Variants in DOCK4 observed in about 807,000 individuals in gnomAD.
DOCK4 encodes the protein dedicator of cytokinesis protein 4.
In DOCK4, 97 loss-of-function variants were observed where a neutral mutation model predicts 268.1. The ratio of observed to expected loss-of-function variants is 0.36; its 90% confidence interval spans 0.31 to 0.43. DOCK4 has a LOEUF of 0.43. Among genes scored for constraint, DOCK4 ranks in the 20% least tolerant of loss-of-function variants. DOCK4 has a pLI of 1.00. For synonymous variants in DOCK4, 954 were observed against 887.2 expected, an observed-to-expected ratio of 1.08 and a Z score of -1.34; for missense variants, 2,145 against 2,455.7, an observed-to-expected ratio of 0.87 and a Z score of 2.67.
chr7:112,106,707 C>T (rs1811172587), intron 1 of DOCK4, among the ~76,000 whole-genome samples: 1 of 152,182 alleles, frequency 6.6e-6, no homozygotes, highest in African/African-American at 2.4e-5. Context: ...TGGCTTGTTA[C>T]ATCCAAGCTT....
At chr7:112,160,372 TATG>T (rs1412676226) in intron 1 of DOCK4, among the ~76,000 whole-genome samples, 6 of 152,184 alleles carry the variant, frequency 3.9e-5, no homozygotes, top group Non-Finnish European at 8.8e-5. Context: ...CAGAGAACAG[TATG>T]ATATCTAGAT....
At chr7:111,769,395 G>C (rs1204595967) in intron 37 of DOCK4, 134 bp downstream of exon 37, 2 of 1,102,290 alleles carry the variant, frequency 1.8e-6, no homozygotes, top group Non-Finnish European at 2.6e-6. Flanking sequence ...CAAGCTTTTG[G>C]GTGTTTCTAA....
chr7:112,108,943 C>G (rs1333593676), intron 1 of DOCK4, among the ~76,000 whole-genome samples: 1 of 152,052 alleles, frequency 6.6e-6, no homozygotes, highest in Non-Finnish European at 1.5e-5. Flanking sequence ...GGTGACAAAT[C>G]TCTTCCAGTA....
chr7:111,889,132 T>C (rs1283153237), intron 16 of DOCK4, among the ~76,000 whole-genome samples: 1 of 152,262 alleles, frequency 6.6e-6, no homozygotes, highest in South Asian at 2.1e-4. Context: ...CTTAGTGTTT[T>C]CCCCCCACTG....
chr7:111,758,950 G>A (rs764481632), intron 40 of DOCK4, among the ~76,000 whole-genome samples, 160 bp from the exon 41 acceptor site: 1 of 152,142 alleles, frequency 6.6e-6, no homozygotes, highest in Non-Finnish European at 1.5e-5. Flanking sequence ...CAGGAACTCA[G>A]TTCTAGCAAA....
At chr7:112,203,669 CTT>C (rs1041112938) in intron 1 of DOCK4, among the ~76,000 whole-genome samples, 2 of 152,102 alleles carry the variant, frequency 1.3e-5, no homozygotes, top group Non-Finnish European at 2.9e-5. Context: ...CCCATAAGAT[CTT>C]TTCTTTAACA....
chr7:111,928,540 CAA>C (rs912620383), intron 12 of DOCK4, among the ~76,000 whole-genome samples: 109 of 150,552 alleles, frequency 7.2e-4, no homozygotes, highest in South Asian at 8.4e-4. Flanking sequence ...TCGAAGGAAA[CAA>C]GAGATATGAC....
chr7:112,040,727 T>C (rs970830134), intron 1 of DOCK4, among the ~76,000 whole-genome samples: 13 of 151,982 alleles, frequency 8.6e-5, no homozygotes, highest in Admixed American at 2.0e-4. Context: ...AATAAATAGG[T>C]AGATGCTAAG....
At chr7:112,127,123 C>T (rs890679894) in intron 1 of DOCK4, among the ~76,000 whole-genome samples, 26 of 149,940 alleles carry the variant, frequency 1.7e-4, no homozygotes, top group Non-Finnish European at 3.1e-4. Flanking sequence ...ATGTTTATTG[C>T]GGCATTATTC....
chr7:111,874,024 A>G (rs910503172), intron 17 of DOCK4, among the ~76,000 whole-genome samples: 16 of 152,184 alleles, frequency 1.1e-4, no homozygotes, highest in South Asian at 1.0e-3. Context: ...GGCATATCAG[A>G]TATTTCCACA....
intron 1 of DOCK4, among the ~76,000 whole-genome samples, chr7:112,161,817 T>G (rs993348960): frequency 6.6e-6 from 1 of 152,114 alleles, no homozygotes; most frequent in Non-Finnish European, 1.5e-5. Flanking sequence ...TGGAGAACCT[T>G]TATGCCAAGG....
At chr7:111,759,163 C>T (rs890522100) in intron 40 of DOCK4, among the ~76,000 whole-genome samples, 10 of 152,164 alleles carry the variant, frequency 6.6e-5, no homozygotes, top group Non-Finnish European at 1.3e-4. Context: ...CATGAGACAT[C>T]TATTAGTCTG....
chr7:112,187,321 G>T (rs565329092), intron 1 of DOCK4, among the ~76,000 whole-genome samples: 50 of 152,106 alleles, frequency 3.3e-4, no homozygotes, highest in Non-Finnish European at 4.3e-4. Flanking sequence ...CAGTCACTTT[G>T]AAGTCCTTAT....
intron 1 of DOCK4, among the ~76,000 whole-genome samples, chr7:112,032,047 C>T (rs550165048): frequency 6.6e-6 from 1 of 152,294 alleles, no homozygotes; most frequent in South Asian, 2.1e-4. Flanking sequence ...GAATCCACTG[C>T]TGTCTGTGGA....
intron 8 of DOCK4, among the ~76,000 whole-genome samples, chr7:111,958,225 G>A (rs1023770381): frequency 1.3e-5 from 2 of 152,110 alleles, no homozygotes; most frequent in Non-Finnish European, 2.9e-5. Flanking sequence ...GCACTACAAG[G>A]TGCTGAAAAC....
At chr7:111,766,480 C>A (rs1797768438) in intron 38 of DOCK4, among the ~76,000 whole-genome samples, 1 of 152,142 alleles carries the variant, frequency 6.6e-6, no homozygotes, top group African/African-American at 2.4e-5. Flanking sequence ...GCAAGGAGGA[C>A]TTGTTTGAAC....
intron 1 of DOCK4, among the ~76,000 whole-genome samples, chr7:112,187,183 AC>A (rs1167973601): frequency 6.6e-6 from 1 of 152,194 alleles, no homozygotes; most frequent in Admixed American, 6.5e-5. Flanking sequence ...AAAATAACTC[AC>A]GTGTTACAAC....
chr7:111,897,442 C>T (rs1184001758), intron 15 of DOCK4, among the ~76,000 whole-genome samples: 1 of 152,140 alleles, frequency 6.6e-6, no homozygotes, highest in African/African-American at 2.4e-5. Context: ...CATCCTTCGA[C>T]TCCCCTTTGC....
At chr7:112,203,061 T>C (rs1821084348) in intron 1 of DOCK4, among the ~76,000 whole-genome samples, 1 of 152,178 alleles carries the variant, frequency 6.6e-6, no homozygotes, top group Non-Finnish European at 1.5e-5. Context: ...ACACAGTTAG[T>C]TGGAAGAGCT....
Sources: allele counts gnomAD v4.1 joint callset (sites outside exome capture counted in the v4.1 genomes callset), GRCh38; gene constraint gnomAD v4.1.1; transcripts MANE v1.5; gene names NCBI Gene and HGNC (gene_info 2026-07-23, HGNC 2026-07-21).